Variants in GDE1 observed in about 807,000 individuals in gnomAD.
GDE1 encodes RGS16-interacting membrane protein.
Under a neutral mutation model 32.2 loss-of-function variants are expected in GDE1, and 24 were observed. The ratio of observed to expected loss-of-function variants is 0.75; its 90% CI spans 0.54 to 1.05. GDE1 has a LOEUF of 1.05. Among genes scored for constraint, GDE1 ranks in the 50% least tolerant of loss-of-function variants. The pLI, the probability that GDE1 is intolerant of heterozygous loss-of-function variation, is 0.00. For missense variants in GDE1, 380 were observed against 415.0 expected (o/e 0.92, Z 0.73); for synonymous variants, 159 against 158.6 (o/e 1.00, Z -0.02).
intron 3 of GDE1, 95 bp downstream of exon 3, chr16:19,510,744 A>C (rs932826884): frequency 7.3e-6 from 4 of 551,040 alleles, no homozygotes; most frequent in East Asian, 3.1e-5. Flanking sequence ...AAGTTTTAAA[A>C]AGAATAAATA....
intron 2 of GDE1, 146 bp from the exon 3 acceptor site, chr16:19,511,090 A>T: frequency 2.1e-6 from 1 of 471,916 alleles, no homozygotes. Context: ...GTCCAAAGAT[A>T]CTTTACTTTA....
chr16:19,504,260 C>T (rs1417303761), intron 5 of GDE1: 2 of 153,082 alleles, frequency 1.3e-5, no homozygotes, highest in Non-Finnish European at 2.9e-5. Context: ...CTATAAACGT[C>T]ACGAGGGCAG....
At position 19,521,422 on chromosome 16, in the gene GDE1, T is replaced by TAC. The variant is rs1969451647; in HGVS notation, c.261+280_261+281dup. 6.5e-6 allele frequency: 3 copies of TAC among 463,208 alleles called. No homozygotes were observed. In the Admixed American group the frequency reaches 1.1e-4, roughly 16 times the overall value. 28.7% of individuals were successfully genotyped at this position (463,208 alleles called of 1,614,324 possible). A position where few individuals can be genotyped will look rare whatever the true frequency, so the allele number is the denominator to read the frequency against. On this transcript the variant is annotated intron_variant, in intron 1 of 5. Transcript: ENST00000353258. ...AAGGCTTGCCTCCCCCATTCCGATG[T>TAC]ACACTCTGTAAACCAGGGACACTTT...
Position 19,504,955 on chromosome 16 carries a change from A to T in GDE1, c.774T>A (p.Asp258Glu). ...FIFVMMDILL[D>E]WSMHNILWYL... Reference sequence around the variant, plus strand: ...ACCACAAGATATTATGCATGCTCCAATCGAGCAAAATGTCCATCATAACAA... The same window carrying T: ...ACCACAAGATATTATGCATGCTCCATTCGAGCAAAATGTCCATCATAACAA... The change falls in exon 5 of 6, where the codon GAT (aspartate) becomes GAA (glutamate). Residue 258 changes from aspartate to glutamate, a missense_variant. Transcript: ENST00000353258. 1 of 1,613,338 alleles carries T rather than the reference A, an allele frequency of 6.2e-7. No individual in the cohort carries two copies. The highest frequency in any genetic ancestry group is 8.5e-7 in the Non-Finnish European group (1 of 1,179,262).
At position 19,520,735 on chromosome 16, in the gene GDE1, A is replaced by G. The variant is rs565918382; in HGVS notation, c.261+969T>C. 1.4e-4 allele frequency among the ~76,000 whole-genome samples: 21 copies of G among 145,356 alleles called. No individual in the cohort carries two copies. The South Asian group carries it at 4.3e-3, about 30-fold the overall frequency. Reference sequence around the variant, plus strand: ...GTGAGACTCTGTAAAGTAAAAAAAAAAAAAAGAAGAAGAAGGAAGGAAGAA... The same window carrying G: ...GTGAGACTCTGTAAAGTAAAAAAAAGAAAAAGAAGAAGAAGGAAGGAAGAA... On this transcript the variant is annotated intron_variant, in intron 1 of 5. Coordinates refer to ENST00000353258, the MANE Select transcript of GDE1 (RefSeq NM_016641.4).
chr16:19,503,478 G>A lies in GDE1; in HGVS notation c.988C>T (p.His330Tyr). The A allele has an allele frequency of 6.2e-7, 1 of 1,613,764 alleles. No homozygotes were observed. Among genetic ancestry groups the A allele is most frequent in the Non-Finnish European group, 8.5e-7 (1 of 1,179,768 alleles). ...TDSMVEDCEP[H>Y]F ...CGTCCCACCGTGAAAGTCTAGAAGTGAGGTTCGCAGTCTTCTACCATGCTG... is the reference window on the plus strand; with the variant it reads ...CGTCCCACCGTGAAAGTCTAGAAGTAAGGTTCGCAGTCTTCTACCATGCTG... The change falls in exon 6 of 6, where the codon CAC becomes TAC. Residue 330 changes from histidine to tyrosine, a missense_variant. Physicochemically the swap from His to Tyr is moderately conservative, Grantham distance 83. Coordinates refer to ENST00000353258, the MANE Select transcript of GDE1 (RefSeq NM_016641.4).
chr16:19,522,098 T>C lies in GDE1; in HGVS notation c.-134A>G. 1 of 895,424 alleles carries C rather than the reference T, an allele frequency of 1.1e-6. No homozygotes were observed. The highest frequency in any genetic ancestry group is 1.8e-5 in the South Asian group (1 of 54,334). The allele number at this position is 895,424 out of a possible 1,614,324, so 55.5% of individuals were successfully genotyped here. A position where few individuals can be genotyped will look rare whatever the true frequency, so the allele number is the denominator to read the frequency against. On this transcript the variant is annotated 5_prime_UTR_variant, in exon 1 of 6. Coordinates refer to ENST00000353258, the MANE Select transcript of GDE1 (RefSeq NM_016641.4). ...CTCTGAGGGGACCAGCGCCGCACAA[T>C]GGCGGCAGCAGACACATCCAGAGAG... is the stretch of plus-strand genomic sequence containing the variant.
intron 1 of GDE1, among the ~76,000 whole-genome samples, chr16:19,518,843 T>A (rs1339217171): frequency 2.0e-5 from 3 of 152,206 alleles, no homozygotes; most frequent in African/African-American, 7.2e-5. Flanking sequence ...TTTAAATCTT[T>A]TCCTTTTCCC....
In GDE1 at chr16:19,505,046, G is replaced by A; in HGVS notation, c.683C>T (p.Pro228Leu). The change falls in exon 5 of 6, where the codon CCT (proline) becomes CTT (leucine). Residue 228 changes from proline (P) to leucine (L), a missense_variant. Coordinates refer to ENST00000353258, the MANE Select transcript of GDE1 (RefSeq NM_016641.4). ...RDVITALTHR[P>L]WSLSHTGDGK... ...ATCTCCTGTATGGCTTAGGCTCCAA[G>A]GTCTGTGAGTTAATGCTGTTATTAC... 2 of 1,613,204 alleles carry A rather than the reference G, an allele frequency of 1.2e-6. No homozygotes were observed. Among genetic ancestry groups the A allele is most frequent in the Non-Finnish European group, 1.7e-6 (2 of 1,179,154 alleles).
At chr16:19,519,473 T>C (rs74011422) in intron 1 of GDE1, among the ~76,000 whole-genome samples, 4,455 of 146,118 alleles carry the variant, frequency 0.03, 102 homozygotes, top group South Asian at 0.079. Context: ...TATATATATA[T>C]ACATACACAA....
rs1969181436 is a variant in GDE1 at position 19,502,053 on chromosome 16, G to GT, written c.*1416dup. 1 of 152,190 alleles carries GT rather than the reference G, an allele frequency of 6.6e-6. No individual in the cohort carries two copies. Among genetic ancestry groups the GT allele is most frequent in the Non-Finnish European group, 1.5e-5 (1 of 68,034 alleles). The allele number at this position is 152,190 out of a possible 1,614,324, so 9.4% of individuals were successfully genotyped here. A position where few individuals can be genotyped will look rare whatever the true frequency, so the allele number is the denominator to read the frequency against. Reference sequence around the variant, plus strand: ...TTCAACTTCATTTTAATGTTGCTATGTAAGTTCACAATAAAATCCCTGGAA... The same window carrying GT: ...TTCAACTTCATTTTAATGTTGCTATGTTAAGTTCACAATAAAATCCCTGGAA... On this transcript the variant is annotated 3_prime_UTR_variant, in exon 6 of 6. Transcript: ENST00000353258.
chr16:19,522,071 C>T lies in GDE1; in HGVS notation c.-107G>A. 6 of 1,186,514 alleles carry T rather than the reference C, an allele frequency of 5.1e-6. 1 individual carries two copies. In the South Asian group the frequency reaches 9.4e-5, roughly 19 times the overall value. 73.5% of individuals were successfully genotyped at this position (1,186,514 alleles called of 1,614,324 possible). A position where few individuals can be genotyped will look rare whatever the true frequency, so the allele number is the denominator to read the frequency against. ...TCCAAGGCACCGGCAGCAGCAGGAA[C>T]CCTCTGAGGGGACCAGCGCCGCACA... On this transcript the variant is annotated 5_prime_UTR_variant, in exon 1 of 6. Transcript: ENST00000353258.
At chr16:19,512,336 T>C (rs946979881) in intron 2 of GDE1, among the ~76,000 whole-genome samples, 5 of 152,196 alleles carry the variant, frequency 3.3e-5, no homozygotes, top group African/African-American at 1.2e-4. Context: ...TGTTTTTTCA[T>C]ATGCCTGTTG....
In GDE1 at chr16:19,501,804, A is replaced by G. The variant is rs1287585940; in HGVS notation, c.*1666T>C. 1 of 152,180 alleles carries G rather than the reference A, an allele frequency of 6.6e-6. No individual in the cohort carries two copies. Among genetic ancestry groups the G allele is most frequent in the Admixed American group, 6.5e-5 (1 of 15,274 alleles). The allele number at this position is 152,180 out of a possible 1,614,324, so 9.4% of individuals were successfully genotyped here. A position where few individuals can be genotyped will look rare whatever the true frequency, so the allele number is the denominator to read the frequency against. On this transcript the variant is annotated 3_prime_UTR_variant, in exon 6 of 6. Coordinates refer to ENST00000353258, the MANE Select transcript of GDE1 (RefSeq NM_016641.4). ...CATCTATCATGCCTATGCCAATACA[A>G]TCTGTCACAAAAAAGTTTGCTTCTC... is the stretch of plus-strand genomic sequence containing the variant.
Position 19,517,664 on chromosome 16 carries a change from G to A in GDE1, c.262-475C>T, listed in dbSNP as rs74011418. Among the ~76,000 whole-genome samples, 847 of 152,238 alleles carry A rather than the reference G, an allele frequency of 5.6e-3. 9 individuals are homozygous for A. Among genetic ancestry groups the A allele is most frequent in the African/African-American group, 0.019 (776 of 41,542 alleles). Reference sequence around the variant, plus strand: ...CCACCCTCTACCACAAAGACACCACGCCTGCTTCTAGGACATATCACATTT... The same window carrying A: ...CCACCCTCTACCACAAAGACACCACACCTGCTTCTAGGACATATCACATTT... On this transcript the variant is annotated intron_variant, in intron 1 of 5. Transcript: ENST00000353258.
At chr16:19,511,734 C>A (rs1227428342) in intron 2 of GDE1, among the ~76,000 whole-genome samples, 1 of 152,116 alleles carries the variant, frequency 6.6e-6, no homozygotes, top group African/African-American at 2.4e-5. Flanking sequence ...CCCTTCCCAG[C>A]CTCTGGTAAC....
chr16:19,514,010 C>T (rs58627370), intron 2 of GDE1, among the ~76,000 whole-genome samples: 2,972 of 152,282 alleles, frequency 0.02, 95 homozygotes, highest in African/African-American at 0.067. Flanking sequence ...AGCACACAGA[C>T]ACCTGAGCAC....
At chr16:19,520,650 G>C (rs896006507) in intron 1 of GDE1, among the ~76,000 whole-genome samples, 1 of 151,532 alleles carries the variant, frequency 6.6e-6, no homozygotes, top group Non-Finnish European at 1.5e-5. Flanking sequence ...GCTTGAACAC[G>C]GGAGGCAGGG....
intron 1 of GDE1, 38 bp downstream of exon 1, chr16:19,521,666 C>T: frequency 6.3e-7 from 1 of 1,599,892 alleles, no homozygotes; most frequent in Non-Finnish European, 8.5e-7. Flanking sequence ...AGTCCGAGCT[C>T]TCGGGAGGAC....
Sources: gnomAD v4.1 joint callset for allele counts (sites outside exome capture counted in the v4.1 genomes callset) on GRCh38, gnomAD v4.1.1 for gene constraint, MANE v1.5 for transcripts, NCBI Gene and HGNC (gene_info 2026-07-23, HGNC 2026-07-21) for gene names.